Variants in IKZF1 observed in about 807,000 individuals in gnomAD.
IKZF1 encodes the protein DNA-binding protein Ikaros.
Under a neutral mutation model 51.7 loss-of-function variants are expected in IKZF1, and 10 were observed. The ratio of observed to expected loss-of-function variants is 0.19; its 90% confidence interval spans 0.12 to 0.33. IKZF1 has a LOEUF of 0.33. Among genes scored for constraint, IKZF1 ranks in the 10% least tolerant of loss-of-function variants. The pLI is 1.00. For missense variants in IKZF1, 484 were observed against 707.5 expected (o/e 0.68, Z 3.58); for synonymous variants, 280 against 282.3 (o/e 0.99, Z 0.08).
At chr7:50,304,480 C>G (rs899774802), upstream of IKZF1, 1 of 150,124 alleles carries the variant, frequency 6.7e-6, no homozygotes, top group African/African-American at 2.4e-5. Context: ...TGGGCGGCAG[C>G]TGGTGGCAAC....
chr7:50,364,686 CA>C (rs906132671), intron 3 of IKZF1, among the ~76,000 whole-genome samples: 5 of 152,246 alleles, frequency 3.3e-5, no homozygotes, highest in African/African-American at 7.2e-5. Context: ...TTGTATGGCT[CA>C]TTTTGCAGCT....
intron 3 of IKZF1, among the ~76,000 whole-genome samples, chr7:50,372,190 C>T (rs1428979518): frequency 2.0e-5 from 3 of 152,252 alleles, no homozygotes; most frequent in Admixed American, 1.3e-4. Flanking sequence ...GGACAGCCTC[C>T]TTGGGTGGAC....
In IKZF1 at chr7:50,404,840, T is replaced by C. The variant is rs1251581715; in HGVS notation, c.*4213T>C. 4.5e-6 allele frequency: 1 copy of C among 224,714 alleles called. No individual in the cohort carries two copies. The highest frequency in any genetic ancestry group is 8.9e-6 in the Non-Finnish European group (1 of 112,796). 13.9% of individuals were successfully genotyped at this position (224,714 alleles called of 1,614,324 possible). Reference sequence around the variant, plus strand: ...TATCCTCAACATAGCCTTTTGACGCTGTAAATCTTGAGTATTCATTTACCC... The same window carrying C: ...TATCCTCAACATAGCCTTTTGACGCCGTAAATCTTGAGTATTCATTTACCC... On this transcript the variant is annotated 3_prime_UTR_variant, in exon 8 of 8. Transcript: ENST00000331340.
chr7:50,319,379 A>G (rs1020967475), intron 2 of IKZF1, among the ~76,000 whole-genome samples: 1 of 152,208 alleles, frequency 6.6e-6, no homozygotes, highest in Non-Finnish European at 1.5e-5. Flanking sequence ...TGGAAGGAAA[A>G]ATGGCTGATT....
At chr7:50,304,144 G>T (rs1259640075), upstream of IKZF1, 1 of 148,310 alleles carries the variant, frequency 6.7e-6, no homozygotes. Context: ...CCGCCCCGGC[G>T]GCCTTTGGGG....
intron 3 of IKZF1, among the ~76,000 whole-genome samples, chr7:50,343,993 C>G (rs767729393): frequency 1.3e-5 from 2 of 152,126 alleles, no homozygotes; most frequent in Non-Finnish European, 2.9e-5. Context: ...GTGAGAATTG[C>G]TTTCTGAGCT....
At chr7:50,320,445 G>A (rs541949456) in intron 2 of IKZF1, among the ~76,000 whole-genome samples, 78 of 152,214 alleles carry the variant, frequency 5.1e-4, no homozygotes, top group Non-Finnish European at 6.5e-4. Context: ...AGGAACATTC[G>A]ACATCTTCCT....
At chr7:50,364,751 G>A (rs1361777206) in intron 3 of IKZF1, among the ~76,000 whole-genome samples, 3 of 152,212 alleles carry the variant, frequency 2.0e-5, no homozygotes, top group Admixed American at 6.5e-5. Context: ...GGGCCAGCTG[G>A]CTCCTAGAGT....
rs753629674 is a variant in IKZF1, at chr7:50,401,813, C to T, written c.*1186C>T. On this transcript the variant is annotated 3_prime_UTR_variant, in exon 8 of 8. Transcript: ENST00000331340. ...ACTCAATGAAATATGTGAAGCCCAG[C>T]ATCTCTGTTGCTAACACACAGAGCT... 2 of 223,174 alleles carry T rather than the reference C, an allele frequency of 9.0e-6. No homozygotes were observed. The highest frequency in any genetic ancestry group is 1.8e-5 in the Non-Finnish European group (2 of 111,654). 13.8% of individuals were successfully genotyped at this position (223,174 alleles called of 1,614,324 possible). A position where few individuals can be genotyped will look rare whatever the true frequency, so the allele number is the denominator to read the frequency against.
intron 3 of IKZF1, among the ~76,000 whole-genome samples, chr7:50,355,107 C>T (rs1802933591): frequency 6.6e-6 from 1 of 152,130 alleles, no homozygotes; most frequent in African/African-American, 2.4e-5. Context: ...CCCCAGTGGC[C>T]TCAGTCTCCA....
intron 1 of IKZF1, among the ~76,000 whole-genome samples, chr7:50,312,177 A>G (rs1462522091): frequency 1.3e-5 from 2 of 152,214 alleles, no homozygotes; most frequent in African/African-American, 4.8e-5. Flanking sequence ...GTGAAACGCC[A>G]TTTATATTTG....
intron 3 of IKZF1, among the ~76,000 whole-genome samples, chr7:50,375,054 G>T (rs545385423): frequency 6.6e-6 from 1 of 151,750 alleles, no homozygotes; most frequent in Non-Finnish European, 1.5e-5. Flanking sequence ...TGTGCTTCTA[G>T]TAAGTTCTCA....
chr7:50,391,888 C>A, intron 7 of IKZF1, 25 bp downstream of exon 7: 1 of 1,590,660 alleles, frequency 6.3e-7, no homozygotes, highest in East Asian at 2.2e-5. Context: ...TTTGCTGTCT[C>A]TTAAAAAAAA....
chr7:50,341,778 A>G (rs1225331951), intron 3 of IKZF1, among the ~76,000 whole-genome samples: 7 of 152,162 alleles, frequency 4.6e-5, no homozygotes, highest in African/African-American at 1.7e-4. Flanking sequence ...AATATAAGCA[A>G]TTGTTAATGA....
intron 3 of IKZF1, among the ~76,000 whole-genome samples, chr7:50,358,304 G>GA (rs1484423877): frequency 6.6e-6 from 1 of 152,190 alleles, no homozygotes; most frequent in African/African-American, 2.4e-5. Flanking sequence ...TATCTACTAG[G>GA]AAAAAACATG....
At chr7:50,317,790 A>G (rs1388264810) in intron 1 of IKZF1, among the ~76,000 whole-genome samples, 1 of 152,160 alleles carries the variant, frequency 6.6e-6, no homozygotes, top group Non-Finnish European at 1.5e-5. Flanking sequence ...TGATAGATAT[A>G]TTATATATAA....
chr7:50,383,362 T>A (rs1299629432), intron 5 of IKZF1, among the ~76,000 whole-genome samples: 1 of 152,224 alleles, frequency 6.6e-6, no homozygotes, highest in African/African-American at 2.4e-5. Flanking sequence ...ATAAACGCTC[T>A]ATCATTCTCA....
At chr7:50,365,923 C>CCATGGAATACTATG (rs1355802362) in intron 3 of IKZF1, among the ~76,000 whole-genome samples, 1 of 152,158 alleles carries the variant, frequency 6.6e-6, no homozygotes, top group Non-Finnish European at 1.5e-5. Flanking sequence ...TACATATACC[C>CCATGGAATACTATG]CATGGAATAC....
At chr7:50,307,446 T>C (rs943322258) in intron 1 of IKZF1, among the ~76,000 whole-genome samples, 3 of 152,220 alleles carry the variant, frequency 2.0e-5, no homozygotes, top group Admixed American at 1.3e-4. Flanking sequence ...TTTCTAAGAC[T>C]GACAAGCACT....
Sources: gnomAD v4.1 joint callset for allele counts (sites outside exome capture counted in the v4.1 genomes callset) on GRCh38, gnomAD v4.1.1 for gene constraint, MANE v1.5 for transcripts, NCBI Gene and HGNC (gene_info 2026-07-23, HGNC 2026-07-21) for gene names.